The following AGBL4 variants were observed in gnomAD, a reference collection of about 807,000 sequenced individuals.
The protein encoded by AGBL4 is cytosolic carboxypeptidase 6.
Under a neutral mutation model 66.4 loss-of-function variants are expected in AGBL4, and 58 were observed. The ratio of observed to expected loss-of-function variants is 0.87; its 90% CI spans 0.71 to 1.09. The LOEUF (loss-of-function observed/expected upper bound fraction) is 1.09, where lower values mean the gene tolerates loss of function less well. AGBL4 is among the 50% of genes least tolerant of loss of function. AGBL4 has a pLI of 0.00. For synonymous variants in AGBL4, 234 were observed against 222.9 expected (o/e 1.05, Z -0.44); for missense variants, 579 against 631.0 (o/e 0.92, Z 0.88).
intron 5 of AGBL4, among the ~76,000 whole-genome samples, chr1:48,949,739 C>T (rs1371891142): frequency 2.6e-5 from 4 of 152,182 alleles, no homozygotes; most frequent in Non-Finnish European, 5.9e-5. Context: ...GGCCAATGCT[C>T]CATCCCCAAC....
chr1:49,850,060 A>G (rs547151798), intron 2 of AGBL4, among the ~76,000 whole-genome samples: 21 of 152,320 alleles, frequency 1.4e-4, no homozygotes, highest in Admixed American at 3.9e-4. Flanking sequence ...GGTTGGAAGT[A>G]CAATACTACA....
chr1:49,347,942 C>G (rs956850894), intron 3 of AGBL4, among the ~76,000 whole-genome samples: 1 of 152,070 alleles, frequency 6.6e-6, no homozygotes. Context: ...CCACATGATC[C>G]GGGAACCCTC....
At chr1:49,371,309 C>T (rs919386862) in intron 3 of AGBL4, among the ~76,000 whole-genome samples, 1 of 151,884 alleles carries the variant, frequency 6.6e-6, no homozygotes, top group African/African-American at 2.4e-5. Context: ...ATCCTTTTGG[C>T]TGTTTCTCTG....
chr1:49,658,505 T>C (rs1003401613), intron 3 of AGBL4, among the ~76,000 whole-genome samples: 109 of 152,318 alleles, frequency 7.2e-4, no homozygotes, highest in African/African-American at 2.5e-3. Flanking sequence ...ATCCCATTAC[T>C]GGGTATATAC....
chr1:49,841,893 C>G, intron 2 of AGBL4: 1 of 628,782 alleles, frequency 1.6e-6, no homozygotes, highest in Non-Finnish European at 2.9e-6. Flanking sequence ...AGGGCATGAC[C>G]CCTGGGCTGC....
At chr1:48,743,098 A>C (rs1275618234) in intron 6 of AGBL4, among the ~76,000 whole-genome samples, 1 of 152,168 alleles carries the variant, frequency 6.6e-6, no homozygotes, top group East Asian at 1.9e-4. Flanking sequence ...GGGTTGGAGG[A>C]GAAGGGGTGG....
intron 3 of AGBL4, among the ~76,000 whole-genome samples, chr1:49,486,942 A>G (rs1004519404): frequency 6.6e-6 from 1 of 151,972 alleles, no homozygotes; most frequent in Admixed American, 6.6e-5. Flanking sequence ...ACATAACTAT[A>G]AAAGAAATGC....
chr1:48,966,842 A>T (rs189673944), intron 5 of AGBL4, among the ~76,000 whole-genome samples: 96 of 152,210 alleles, frequency 6.3e-4, no homozygotes, highest in African/African-American at 2.2e-3. Context: ...ATCCTGCTAT[A>T]CACCAGGCAG....
At chr1:48,988,134 A>G (rs1243765719) in intron 5 of AGBL4, among the ~76,000 whole-genome samples, 1 of 152,228 alleles carries the variant, frequency 6.6e-6, no homozygotes, top group African/African-American at 2.4e-5. Flanking sequence ...TGAATGCTAT[A>G]TACATACACT....
chr1:49,250,824 G>A (rs1486594291), intron 3 of AGBL4, among the ~76,000 whole-genome samples: 1 of 152,118 alleles, frequency 6.6e-6, no homozygotes, highest in East Asian at 1.9e-4. Context: ...CTGGCAGGAG[G>A]AGAACCCTTG....
intron 11 of AGBL4, among the ~76,000 whole-genome samples, chr1:48,551,438 A>G (rs890673557): frequency 6.6e-6 from 1 of 152,220 alleles, no homozygotes; most frequent in Non-Finnish European, 1.5e-5. Flanking sequence ...TATTATCATT[A>G]CTACATATGA....
rs149353039 is a variant in AGBL4 at position 49,200,953 on chromosome 1, C to A, written c.377+44817G>T. 3.7e-3 allele frequency among the ~76,000 whole-genome samples: 559 copies of A among 152,220 alleles called. 5 individuals are homozygous for A. Among genetic ancestry groups the A allele is most frequent in the Non-Finnish European group, 6.0e-3 (408 of 68,012 alleles). On this transcript the variant is annotated intron_variant, in intron 4 of 13. Coordinates refer to ENST00000371839, the MANE Select transcript of AGBL4 (RefSeq NM_032785.4). ...ACTTGATCTTTCCTGTGAACATCCC[C>A]CATTTGGAAGCTACCTAGGTGCTGT... is the stretch of plus-strand genomic sequence containing the variant.
intron 11 of AGBL4, among the ~76,000 whole-genome samples, chr1:48,540,648 A>T (rs1269309504): frequency 6.6e-6 from 1 of 151,990 alleles, no homozygotes; most frequent in Non-Finnish European, 1.5e-5. Context: ...AGCACTTATC[A>T]CTTATCTCAC....
intron 3 of AGBL4, among the ~76,000 whole-genome samples, chr1:49,562,444 C>T (rs1427047928): frequency 1.3e-5 from 2 of 152,196 alleles, no homozygotes; most frequent in South Asian, 2.1e-4. Flanking sequence ...GGTTTGAGGT[C>T]TAACATGTAA....
intron 11 of AGBL4, among the ~76,000 whole-genome samples, chr1:48,559,847 A>G (rs796464073): frequency 6.6e-6 from 1 of 151,812 alleles, no homozygotes; most frequent in African/African-American, 2.4e-5. Flanking sequence ...CCTCTTGGTT[A>G]TAAATTCTGG....
chr1:48,573,702 T>C (rs1020268780), intron 11 of AGBL4, among the ~76,000 whole-genome samples: 3 of 152,210 alleles, frequency 2.0e-5, no homozygotes, highest in South Asian at 2.1e-4. Context: ...GAACCCTTCA[T>C]GGAAGTTTCC....
At chr1:49,438,503 C>G (rs140850039) in intron 3 of AGBL4, among the ~76,000 whole-genome samples, 1 of 152,194 alleles carries the variant, frequency 6.6e-6, no homozygotes, top group African/African-American at 2.4e-5. Context: ...CAGGCTAACT[C>G]AAGAATATAA....
intron 1 of AGBL4, among the ~76,000 whole-genome samples, chr1:49,965,892 AAAT>A (rs1044690815): frequency 6.6e-5 from 10 of 152,112 alleles, no homozygotes; most frequent in Non-Finnish European, 1.3e-4. Flanking sequence ...GAAAGCAAAA[AAAT>A]AATAATAATA....
intron 9 of AGBL4, among the ~76,000 whole-genome samples, chr1:48,626,717 C>T (rs1645508881): frequency 6.6e-6 from 1 of 152,192 alleles, no homozygotes; most frequent in Admixed American, 6.5e-5. Context: ...CTTCATATTC[C>T]CAACCCCATT....
Sources: allele counts gnomAD v4.1 joint callset (sites outside exome capture counted in the v4.1 genomes callset), GRCh38; gene constraint gnomAD v4.1.1; transcripts MANE v1.5; gene names NCBI Gene and HGNC (gene_info 2026-07-23, HGNC 2026-07-21).